GCN1: variants seen among roughly 807,000 people sequenced by gnomAD.
GCN1 encodes the protein stalled ribosome sensor GCN1.
Under a neutral mutation model 288.4 loss-of-function variants are expected in GCN1, and 90 were observed. The observed-to-expected ratio is 0.31, with a 90% CI of 0.26 to 0.37. The LOEUF (loss-of-function observed/expected upper bound fraction) is 0.37. Ranked by LOEUF, GCN1 falls within the 10% of genes least tolerant of loss-of-function variation. The pLI, the probability that GCN1 is intolerant of heterozygous loss-of-function variation, is 1.00. For synonymous variants in GCN1, 1,386 were observed against 1,420.2 expected, an observed-to-expected ratio of 0.98 and a Z score of 0.54; for missense variants, 2,586 against 3,419.9, an observed-to-expected ratio of 0.76 and a Z score of 6.08.
rs111666215 is a variant in GCN1, at chr12:120,150,862, A to G, written c.4309+283T>C. On this transcript the variant is annotated intron_variant, in intron 34 of 57. Transcript: ENST00000300648. ...TAAGGCAGGAGAATGGCATGAACCC[A>G]GGAGGCTGAGCTTGCAGTGAGCCAA... is the stretch of plus-strand genomic sequence containing the variant. Among the ~76,000 whole-genome samples, 1,445 of 152,046 alleles carry G rather than the reference A, an allele frequency of 9.5e-3. 33 individuals carry two copies. The highest frequency in any genetic ancestry group is 0.033 in the African/African-American group (1,379 of 41,492).
At chr12:120,187,887 G>GAAAAAAAA (rs537567748) in intron 2 of GCN1, among the ~76,000 whole-genome samples, 3 of 99,612 alleles carry the variant, frequency 3.0e-5, no homozygotes. Context: ...CAAAAGAAAT[G>GAAAAAAAA]AAAAAAAAAA....
intron 45 of GCN1, 78 bp from the exon 46 acceptor site, chr12:120,138,934 G>A: frequency 7.4e-7 from 1 of 1,350,074 alleles, no homozygotes; most frequent in Non-Finnish European, 1.0e-6. Flanking sequence ...GCACAGGCAG[G>A]GGACTCTGAC....
chr12:120,150,028 A>G lies in GCN1; in HGVS notation c.4325T>C (p.Phe1442Ser), dbSNP rs1484439640. The change falls in exon 35 of 58, where the codon TTC (phenylalanine) becomes TCC (serine). Residue 1442 changes from phenylalanine to serine, a missense_variant. By Grantham distance (155) the Phe-to-Ser change is radical (BLOSUM62 -2). Around this residue, in one of 8 missense-constraint regions of GCN1, gnomAD observed 371 missense variants for 572.6 expected, o/e 0.65. Transcript: ENST00000300648. The stretch of plus-strand genomic sequence containing the variant: ...CCCCAGCATGGTGCAGAGCATCTCG[A>G]AGGCAAAGAGGGCTCCTAGGGGAAA... Reference protein sequence around the residue: ...FRRREGALFAFEMLCTMLGKL... With the variant: ...FRRREGALFASEMLCTMLGKL... 1 of 1,614,042 alleles carries G rather than the reference A, an allele frequency of 6.2e-7. No individual in the cohort carries two copies. The highest frequency in any genetic ancestry group is 1.7e-5 in the Admixed American group (1 of 60,004).
intron 50 of GCN1, 91 bp from the exon 51 acceptor site, chr12:120,136,823 T>C: frequency 1.2e-6 from 1 of 819,150 alleles, no homozygotes; most frequent in Non-Finnish European, 2.0e-6. Flanking sequence ...ACAGCTGTCC[T>C]CCCCTCAACT....
At chr12:120,181,085 A>G (rs1449508380) in intron 5 of GCN1, among the ~76,000 whole-genome samples, 2 of 152,198 alleles carry the variant, frequency 1.3e-5, no homozygotes, top group Non-Finnish European at 2.9e-5. Context: ...ACAAAATGGC[A>G]TATGTACAAG....
chr12:120,187,198 T>A (rs1272224922), intron 2 of GCN1, among the ~76,000 whole-genome samples: 1 of 151,618 alleles, frequency 6.6e-6, no homozygotes, highest in East Asian at 1.9e-4. Flanking sequence ...ACCCAATCTA[T>A]ATGGCCATGA....
Position 120,156,861 on chromosome 12 carries a change from G to T in GCN1, c.3168+51C>A. The T allele has an allele frequency of 7.9e-7, 1 of 1,262,964 alleles. No individual in the cohort carries two copies. The highest frequency in any genetic ancestry group is 1.2e-6 in the Non-Finnish European group (1 of 859,238). The allele number at this position is 1,262,964 out of a possible 1,614,324, so 78.2% of individuals were successfully genotyped here. A position where few individuals can be genotyped will look rare whatever the true frequency, so the allele number is the denominator to read the frequency against. On this transcript the variant is annotated intron_variant, in intron 27 of 57. Coordinates refer to ENST00000300648, the MANE Select transcript of GCN1 (RefSeq NM_006836.2). This position sits in a 1 kb window ranked among gnomAD's most constrained non-coding sequence, Gnocchi z 5.8. ...TCCACCCTTTACACTGGGACTTGAG[G>T]TCTGGGTCACGAACTGAGTCACAGC... is the stretch of plus-strand genomic sequence containing the variant.
chr12:120,157,775 G>A, intron 26 of GCN1, 74 bp downstream of exon 26: 2 of 1,203,012 alleles, frequency 1.7e-6, no homozygotes, highest in Non-Finnish European at 2.4e-6. Flanking sequence ...CTGTTCATGA[G>A]ACAAAACGTG....
In GCN1 at chr12:120,131,315, TCAATGCCGGA is replaced by T; in HGVS notation, c.7423_7432del (p.Ser2475ThrfsTer16). 6.2e-7 allele frequency: 1 copy of T among 1,613,964 alleles called. No homozygotes were observed. Among genetic ancestry groups the T allele is most frequent in the Non-Finnish European group, 8.5e-7 (1 of 1,180,002 alleles). On this transcript the variant is annotated frameshift_variant, in exon 55 of 58. Coordinates refer to ENST00000300648, the MANE Select transcript of GCN1 (RefSeq NM_006836.2). LOFTEE classifies it high-confidence loss of function. The stretch of plus-strand genomic sequence containing the variant: ...GCTCCGCCCGTGCCGAACCATCCAG[TCAATGCCGGA>T]CACGTCCGCTGGGTGGAAGGACACG...
chr12:120,158,648 G>GACAC lies in GCN1; in HGVS notation c.2750-37_2750-34dup, dbSNP rs1877829708. 2 of 1,560,212 alleles carry GACAC rather than the reference G, an allele frequency of 1.3e-6. No homozygotes were observed. On this transcript the variant is annotated intron_variant, in intron 24 of 57. Coordinates refer to ENST00000300648, the MANE Select transcript of GCN1 (RefSeq NM_006836.2). The surrounding 1 kb of genome is among the most constrained non-coding windows in gnomAD (Gnocchi z 4.3). The stretch of plus-strand genomic sequence containing the variant: ...GAAGAGGAGAGACCCAGCAGGAGAT[G>GACAC]ACACACAGAGATGTGGAATCCAGCC...
At chr12:120,165,000 TATACACACACAC>T (rs1878061348) in intron 16 of GCN1, among the ~76,000 whole-genome samples, 1 of 62,388 alleles carries the variant, frequency 1.6e-5, no homozygotes, top group African/African-American at 5.3e-5. Context: ...TATACACATA[TATACACACACAC>T]ACACACACAC....
rs1249160568 is a variant in GCN1 at position 120,137,975 on chromosome 12, G to A, written c.6319C>T (p.Arg2107Cys). The A allele has an allele frequency of 3.1e-6, 5 of 1,614,070 alleles. No individual in the cohort carries two copies. The highest frequency in any genetic ancestry group is 1.7e-5 in the Admixed American group (1 of 60,018). The change falls in exon 48 of 58, where the codon CGT becomes TGT. Residue 2107 changes from arginine to cysteine, a missense_variant. Around this residue, in one of 8 missense-constraint regions of GCN1, gnomAD observed 437 missense variants for 570.5 expected, o/e 0.77. Transcript: ENST00000300648. This position sits in a 1 kb window ranked among gnomAD's most constrained non-coding sequence, Gnocchi z 5.2. ...GCTGGGAGGATCACGCCAAGATGAC[G>A]GGTGAGGGCATCACCAGCCACTGAC... ...LSSVAGDALT[R>C]HLGVILPAVM...
intron 26 of GCN1, 192 bp from the exon 27 acceptor site, chr12:120,157,184 C>T (rs1002455228): frequency 1.0e-5 from 5 of 499,776 alleles, no homozygotes; most frequent in African/African-American, 9.7e-5. Context: ...TCCTCAGGAA[C>T]TAAAAACTAA....
At chr12:120,136,044 CA>C (rs879447996) in intron 51 of GCN1, among the ~76,000 whole-genome samples, 2 of 150,086 alleles carry the variant, frequency 1.3e-5, no homozygotes, top group African/African-American at 2.5e-5. Context: ...AAACAAAAAA[CA>C]AAAAAAAACA....
chr12:120,190,625 C>T lies in GCN1; in HGVS notation c.19-225G>A, dbSNP rs1878973586. ...GTCAGTAGCAGCCCACCTTCCCCAC[C>T]CGCCCCAGTTGTGACATTGTCAAAT... On this transcript the variant is annotated intron_variant, in intron 1 of 57. Coordinates refer to ENST00000300648, the MANE Select transcript of GCN1 (RefSeq NM_006836.2). 3.3e-5 allele frequency among the ~76,000 whole-genome samples: 5 copies of T among 152,278 alleles called. No homozygotes were observed. The South Asian group carries it at 1.0e-3, about 32-fold the overall frequency.
chr12:120,181,650 A>C (rs1475140661), intron 5 of GCN1, among the ~76,000 whole-genome samples: 1 of 148,694 alleles, frequency 6.7e-6, no homozygotes, highest in Non-Finnish European at 1.5e-5. Context: ...GACCAGCCTG[A>C]CCAACATAGA....
At position 120,137,940 on chromosome 12, in the gene GCN1, C is replaced by G. The variant is rs769632006; in HGVS notation, c.6354G>C (p.Leu2118=). Residue 2118 remains leucine, a synonymous_variant, in exon 48 of 58, where the codon CTG becomes CTC. Transcript: ENST00000300648. The surrounding 1 kb of genome is among the most constrained non-coding windows in gnomAD (Gnocchi z 5.2). ...HLGVILPAVM[L]ALKEKLGTPD... is the part of the protein sequence containing the mutation. ...GGGTCCCAAGCTTTTCCTTCAGGGCCAGCATGACCGCTGGGAGGATCACGC... is the reference window on the plus strand; with the variant it reads ...GGGTCCCAAGCTTTTCCTTCAGGGCGAGCATGACCGCTGGGAGGATCACGC... 4 of 1,614,094 alleles carry G rather than the reference C, an allele frequency of 2.5e-6. No individual in the cohort carries two copies. The highest frequency in any genetic ancestry group is 3.4e-6 in the Non-Finnish European group (4 of 1,180,032).
chr12:120,180,991 C>CAA (rs35885269), intron 5 of GCN1, among the ~76,000 whole-genome samples: 125 of 103,620 alleles, frequency 1.2e-3, no homozygotes, highest in South Asian at 3.5e-3. Flanking sequence ...GACTCCGTCT[C>CAA]AAAAAAAAAA....
Position 120,137,932 on chromosome 12 carries a change from T to C in GCN1, c.6362A>G (p.Lys2121Arg). The part of the protein sequence containing the change: ...VILPAVMLAL[K>R]EKLGTPDEQL... ...CTCATCTGGGGTCCCAAGCTTTTCC[T>C]TCAGGGCCAGCATGACCGCTGGGAG... The change falls in exon 48 of 58, where the codon AAG becomes AGG. Residue 2121 changes from lysine (K) to arginine (R), a missense_variant. By Grantham distance (26) the Lys-to-Arg change is conservative. Coordinates refer to ENST00000300648, the MANE Select transcript of GCN1 (RefSeq NM_006836.2). The surrounding 1 kb of genome is among the most constrained non-coding windows in gnomAD (Gnocchi z 5.2). The C allele has an allele frequency of 6.2e-7, 1 of 1,614,142 alleles. No homozygotes were observed. The highest frequency in any genetic ancestry group is 1.3e-5 in the African/African-American group (1 of 75,016).
Sources: gnomAD v4.1 joint callset for allele counts (sites outside exome capture counted in the v4.1 genomes callset) on GRCh38, gnomAD v4.1.1 for gene constraint, gnomAD v4.1.1 regional missense constraint, Gnocchi (gnomAD v3.1) non-coding constraint, MANE v1.5 for transcripts, NCBI Gene and HGNC (gene_info 2026-07-23, HGNC 2026-07-21) for gene names.